The following SBNO2 variants were observed in gnomAD, a reference collection of about 807,000 sequenced individuals.
SBNO2 encodes strawberry notch homolog 2.
Under a neutral mutation model 146.3 loss-of-function variants are expected in SBNO2, and 89 were observed. That is an observed-to-expected ratio of 0.61 (90% CI 0.51 to 0.73). The LOEUF is 0.73. Ranked by LOEUF, SBNO2 falls within the 30% of genes least tolerant of loss-of-function variation. SBNO2 has a pLI of 0.00. For synonymous variants in SBNO2, 1,147 were observed against 892.6 expected (o/e 1.29, Z -5.08); for missense variants, 2,092 against 2,003.7 (o/e 1.04, Z -0.84).
At chr19:1,119,665 C>T in intron 12 of SBNO2, 44 bp from the exon 13 acceptor site, 1 of 1,514,318 alleles carries the variant, frequency 6.6e-7, no homozygotes, top group Non-Finnish European at 9.0e-7. Context: ...CGGGAGGGCC[C>T]AGAGGCCGCG....
At chr19:1,128,640 A>ACC (rs2079994656) in intron 4 of SBNO2, among the ~76,000 whole-genome samples, 1 of 150,258 alleles carries the variant, frequency 6.7e-6, no homozygotes, top group Non-Finnish European at 1.5e-5. Context: ...TGATCCATCC[A>ACC]CCTTGGCCTC....
At chr19:1,164,624 CAGGAGGAGG>C (rs1273769394) in intron 1 of SBNO2, among the ~76,000 whole-genome samples, 1 of 4,090 alleles carries the variant, frequency 2.4e-4, no homozygotes, top group Non-Finnish European at 3.8e-4. Flanking sequence ...GGAGGAGGAA[CAGGAGGAGG>C]AGGAGGAGGA....
Position 1,119,130 on chromosome 19 carries a change from T to C in SBNO2, c.1408A>G (p.Met470Val). 2 of 1,604,472 alleles carry C rather than the reference T, an allele frequency of 1.2e-6. No individual in the cohort carries two copies. Among genetic ancestry groups the C allele is most frequent in the Non-Finnish European group, 1.7e-6 (2 of 1,176,836 alleles). Reference sequence around the variant, plus strand: ...GCGATGTACATGCCGCTGACCTTCATGTCCATGGCCACGATCTCCATGGCG... The same window carrying C: ...GCGATGTACATGCCGCTGACCTTCACGTCCATGGCCACGATCTCCATGGCG... ...VGAMEIVAMDMKVSGMYIARQ... is the reference protein window; with the variant it reads ...VGAMEIVAMDVKVSGMYIARQ... The change falls in exon 14 of 32, where the codon ATG becomes GTG. Residue 470 changes from methionine to valine, a missense_variant. Coordinates refer to ENST00000361757, the MANE Select transcript of SBNO2 (RefSeq NM_014963.3).
At chr19:1,161,916 G>GGGGGGGGGGGGGGGT (rs2080350367) in intron 1 of SBNO2, among the ~76,000 whole-genome samples, 1 of 77,660 alleles carries the variant, frequency 1.3e-5, no homozygotes, top group Non-Finnish European at 2.9e-5. Context: ...CGGGGGGGGG[G>GGGGGGGGGGGGGGGT]GGGGGGGGGT....
chr19:1,131,258 C>T (rs1427067236), intron 4 of SBNO2, among the ~76,000 whole-genome samples: 1 of 152,200 alleles, frequency 6.6e-6, no homozygotes, highest in Non-Finnish European at 1.5e-5. Flanking sequence ...AACCGGGCCC[C>T]TCTGCAGTCT....
rs567360270 is a variant in SBNO2, at chr19:1,108,863, T to C, written c.3532A>G (p.Ile1178Val). 2 of 1,595,664 alleles carry C rather than the reference T, an allele frequency of 1.3e-6. No individual in the cohort carries two copies. The highest frequency in any genetic ancestry group is 4.5e-5 in the East Asian group (2 of 44,566). ...CTGACGTCGGCCATGACGGCGGCGA[T>C]GCGGCCCCACACGCGCAGCAGCGCG... is the stretch of plus-strand genomic sequence containing the variant. ...CGALLRVWGRIAAVMADVSSS... is the reference protein window; with the variant it reads ...CGALLRVWGRVAAVMADVSSS... Residue 1178 changes from isoleucine to valine, a missense_variant, in exon 31 of 32, where the codon ATC becomes GTC. By Grantham distance (29) the Ile-to-Val change is conservative. Transcript: ENST00000361757.
Position 1,109,570 on chromosome 19 carries a change from T to C in SBNO2, c.3152A>G (p.Glu1051Gly). ...KISVDRGLKW[E>G]DAFAKSLALT... ...CGCCAGCGACTTGGCAAAGGCGTCC[T>C]CCCACTTCAGGCCGCGGTCCACGCT... The change falls in exon 28 of 32, where the codon GAG becomes GGG. Residue 1051 changes from glutamate to glycine, a missense_variant. Coordinates refer to ENST00000361757, the MANE Select transcript of SBNO2 (RefSeq NM_014963.3). This position sits in a 1 kb window ranked among gnomAD's most constrained non-coding sequence, Gnocchi z 4.2. 6.5e-7 allele frequency: 1 copy of C among 1,526,902 alleles called. No homozygotes were observed. 94.6% of individuals were successfully genotyped at this position (1,526,902 alleles called of 1,614,324 possible). A position where few individuals can be genotyped will look rare whatever the true frequency, so the allele number is the denominator to read the frequency against.
At chr19:1,170,020 T>G (rs971166445) in intron 1 of SBNO2, among the ~76,000 whole-genome samples, 1 of 152,200 alleles carries the variant, frequency 6.6e-6, no homozygotes, top group African/African-American at 2.4e-5. Context: ...ACCCCCCATC[T>G]GTGGACTGCC....
rs200691444 is a variant in SBNO2 at position 1,172,775 on chromosome 19, A to ACCC, written c.-127+1396_-127+1397insGGG. Among the ~76,000 whole-genome samples, 68 of 39,534 alleles carry ACCC rather than the reference A, an allele frequency of 1.7e-3. 3 individuals are homozygous for ACCC. The highest frequency in any genetic ancestry group is 4.0e-3 in the African/African-American group (20 of 4,984). The allele number at this position is 39,534 out of a possible 152,430, so 25.9% of individuals were successfully genotyped here. On this transcript the variant is annotated intron_variant, in intron 1 of 31. Transcript: ENST00000361757. ...GCCCCTCTGTAAAACACTCACTGCA[A>ACCC]CCGCCCCCCCCGCCCCGGCAAACTG...
At chr19:1,155,829 T>C (rs2080285242) in intron 1 of SBNO2, among the ~76,000 whole-genome samples, 1 of 151,776 alleles carries the variant, frequency 6.6e-6, no homozygotes. Flanking sequence ...TGCTAGGGGG[T>C]GGCCCACCCC....
chr19:1,123,746 C>A, intron 6 of SBNO2, 107 bp from the exon 7 acceptor site: 2 of 1,216,088 alleles, frequency 1.6e-6, no homozygotes, highest in Non-Finnish European at 2.3e-6. Flanking sequence ...CTGAGTGACC[C>A]AGGGGTGGGA....
At chr19:1,121,650 C>T (rs1189422415) in intron 11 of SBNO2, among the ~76,000 whole-genome samples, 3 of 152,214 alleles carry the variant, frequency 2.0e-5, no homozygotes, top group Non-Finnish European at 4.4e-5. Context: ...GAACCGCAGC[C>T]TGCCGACGAG....
intron 1 of SBNO2, among the ~76,000 whole-genome samples, chr19:1,161,029 C>T (rs888696855): frequency 7.9e-5 from 11 of 139,854 alleles, no homozygotes; most frequent in Admixed American, 1.4e-4. Context: ...GCTGCTCCTC[C>T]AGCCAGGCAC....
chr19:1,117,315 C>T lies in SBNO2; in HGVS notation c.1704+8G>A. 6.4e-7 allele frequency: 1 copy of T among 1,556,364 alleles called. No individual in the cohort carries two copies. On this transcript the variant is annotated splice_region_variant and intron_variant, in intron 15 of 31. Coordinates refer to ENST00000361757, the MANE Select transcript of SBNO2 (RefSeq NM_014963.3). The stretch of plus-strand genomic sequence containing the variant: ...CGCCCTCAGCCCTCGAAGGCCGCAG[C>T]CGCTCACCTTGTCTCGCGCCAGCTC...
intron 4 of SBNO2, chr19:1,132,015 G>A: frequency 1.7e-6 from 2 of 1,186,812 alleles, no homozygotes; most frequent in Non-Finnish European, 1.1e-6. Flanking sequence ...AGGGGGCCCG[G>A]CCGTCCTGAA....
In SBNO2 at chr19:1,109,610, C is replaced by T; in HGVS notation, c.3124-12G>A. The T allele has an allele frequency of 3.0e-6, 2 of 661,664 alleles. No individual in the cohort carries two copies. Among genetic ancestry groups the T allele is most frequent in the Non-Finnish European group, 4.4e-6 (2 of 456,676 alleles). 41.0% of individuals were successfully genotyped at this position (661,664 alleles called of 1,614,324 possible). On this transcript the variant is annotated splice_polypyrimidine_tract_variant and intron_variant, in intron 27 of 31. Coordinates refer to ENST00000361757, the MANE Select transcript of SBNO2 (RefSeq NM_014963.3). The surrounding 1 kb of genome is among the most constrained non-coding windows in gnomAD (Gnocchi z 4.2). Reference sequence around the variant, plus strand: ...CGGTCCACGCTGATCTGCCACGGCACGGGGTGGGGGGGTGTGAGTGTGGTG... The same window carrying T: ...CGGTCCACGCTGATCTGCCACGGCATGGGGTGGGGGGGTGTGAGTGTGGTG...
intron 4 of SBNO2, among the ~76,000 whole-genome samples, chr19:1,131,604 C>T (rs1016427602): frequency 6.6e-6 from 1 of 152,284 alleles, no homozygotes; most frequent in South Asian, 2.1e-4. Flanking sequence ...TGCCGGCCTG[C>T]GCCACCAGAG....
chr19:1,163,428 G>C (rs1375066730), intron 1 of SBNO2, among the ~76,000 whole-genome samples: 3 of 152,204 alleles, frequency 2.0e-5, no homozygotes, highest in Admixed American at 2.0e-4. Context: ...TCCAGGACAG[G>C]GACAGGCTGC....
In SBNO2 at chr19:1,112,102, TG is replaced by T. The variant is rs2079769688; in HGVS notation, c.2629-36del. ...GTGGGGAGGCCATCAGTTGGTCACC[TG>T]GGGTCTGGCCTCTAGCACCCCACAA... On this transcript the variant is annotated intron_variant, in intron 22 of 31. Coordinates refer to ENST00000361757, the MANE Select transcript of SBNO2 (RefSeq NM_014963.3). This position sits in a 1 kb window ranked among gnomAD's most constrained non-coding sequence, Gnocchi z 5.9. 2 of 1,610,860 alleles carry T rather than the reference TG, an allele frequency of 1.2e-6. No individual in the cohort carries two copies. Among genetic ancestry groups the T allele is most frequent in the Non-Finnish European group, 1.7e-6 (2 of 1,178,920 alleles).
Sources: gnomAD v4.1 joint callset for allele counts (sites outside exome capture counted in the v4.1 genomes callset) on GRCh38, gnomAD v4.1.1 for gene constraint, Gnocchi (gnomAD v3.1) non-coding constraint, MANE v1.5 for transcripts, NCBI Gene and HGNC (gene_info 2026-07-23, HGNC 2026-07-21) for gene names.